The following TMCC1 variants were observed in gnomAD, a reference collection of about 807,000 sequenced individuals.
TMCC1 encodes transmembrane and coiled-coil domains protein 1.
In TMCC1, 15 loss-of-function variants were observed where a neutral mutation model predicts 52.4. The ratio of observed to expected loss-of-function variants is 0.29; its 90% confidence interval spans 0.19 to 0.44. TMCC1 has a LOEUF of 0.44. TMCC1 is among the 20% of genes least tolerant of loss of function. The pLI is 1.00. For missense variants in TMCC1, 503 were observed against 806.0 expected (o/e 0.62, Z 4.55); for synonymous variants, 279 against 301.9 (o/e 0.92, Z 0.79).
At chr3:129,863,152 AT>A (rs2060470425) in intron 2 of TMCC1, among the ~76,000 whole-genome samples, 1 of 152,190 alleles carries the variant, frequency 6.6e-6, no homozygotes, top group African/African-American at 2.4e-5. Flanking sequence ...CCTTTACTTT[AT>A]TCTTGGTTAT....
chr3:129,865,333 T>C (rs529780534), intron 2 of TMCC1, among the ~76,000 whole-genome samples: 8 of 151,362 alleles, frequency 5.3e-5, no homozygotes, highest in African/African-American at 1.9e-4. Flanking sequence ...TTTTTTTTTA[T>C]AGAGACGGGG....
chr3:129,804,994 G>A (rs1028012578), intron 4 of TMCC1, among the ~76,000 whole-genome samples: 8 of 152,174 alleles, frequency 5.3e-5, no homozygotes, highest in Admixed American at 5.2e-4. Context: ...ACTTTTGTGA[G>A]CCAAAAACTG....
At chr3:129,737,193 G>T (rs142956810) in intron 4 of TMCC1, among the ~76,000 whole-genome samples, 3 of 152,162 alleles carry the variant, frequency 2.0e-5, no homozygotes, top group Admixed American at 2.0e-4. Flanking sequence ...GGGGCCGGGC[G>T]TGGTGGCTCA....
intron 4 of TMCC1, among the ~76,000 whole-genome samples, chr3:129,810,419 C>T (rs1250623369): frequency 6.6e-6 from 1 of 152,102 alleles, no homozygotes; most frequent in East Asian, 1.9e-4. Context: ...AGAACCAAAA[C>T]AGGTAATTTA....
intron 2 of TMCC1, among the ~76,000 whole-genome samples, chr3:129,852,456 CAAAAAAAAAAAAAA>C (rs1015860543): frequency 2.5e-5 from 1 of 39,826 alleles, no homozygotes; most frequent in African/African-American, 9.3e-5. Flanking sequence ...GACACCGTCT[CAAAAAAAAAAAAAA>C]AAAAAAAAAA....
chr3:129,665,456 C>T (rs1248356687), intron 5 of TMCC1, among the ~76,000 whole-genome samples: 2 of 152,124 alleles, frequency 1.3e-5, no homozygotes, highest in African/African-American at 4.8e-5. Context: ...AAATAATGAC[C>T]GAAGTAGGGA....
chr3:129,782,765 A>T (rs1277725223), intron 4 of TMCC1, among the ~76,000 whole-genome samples: 3 of 152,160 alleles, frequency 2.0e-5, no homozygotes, highest in Non-Finnish European at 4.4e-5. Flanking sequence ...GTACCATTTG[A>T]TTACCGTATG....
rs375319159 is a variant in TMCC1, at chr3:129,709,346, T to C, written c.577-38082A>G. On this transcript the variant is annotated intron_variant, in intron 4 of 6. Transcript: ENST00000393238. ...AGCTGGGCATGGCATGGTGGGCTTG[T>C]ATGCCTACAGTCCCACCTACTTGGG... Among the ~76,000 whole-genome samples the C allele has an allele frequency of 5.3e-5, 8 of 151,538 alleles. No homozygotes were observed. In the East Asian group the frequency reaches 1.4e-3, roughly 26 times the overall value.
intron 2 of TMCC1, among the ~76,000 whole-genome samples, chr3:129,839,306 TTAAC>T (rs1418707980): frequency 4.5e-4 from 68 of 152,200 alleles, no homozygotes; most frequent in African/African-American, 1.5e-3. Flanking sequence ...TAACCATACT[TTAAC>T]TAAATGCGAA....
intron 4 of TMCC1, among the ~76,000 whole-genome samples, chr3:129,762,572 G>A (rs1391962796): frequency 6.6e-6 from 1 of 152,002 alleles, no homozygotes; most frequent in Non-Finnish European, 1.5e-5. Flanking sequence ...AGAACTGCTT[G>A]AGGCCAGGAG....
chr3:129,675,509 G>C (rs1161468016), intron 4 of TMCC1, among the ~76,000 whole-genome samples: 4 of 152,302 alleles, frequency 2.6e-5, no homozygotes, highest in African/African-American at 9.6e-5. Context: ...TAAGTTGTTA[G>C]CACTGTTTTT....
Position 129,832,784 on chromosome 3 carries a change from C to T in TMCC1, c.-141G>A, listed in dbSNP as rs902133736. The T allele has an allele frequency of 6.6e-6, 1 of 152,196 alleles. No homozygotes were observed. The highest frequency in any genetic ancestry group is 2.4e-5 in the African/African-American group (1 of 41,446). 9.4% of individuals were successfully genotyped at this position (152,196 alleles called of 1,614,324 possible). ...GAGTTGGATACTTGCCTTCATCACT[C>T]TTCCTTAAGCACTTCTAAGGTGTAC... On this transcript the variant is annotated 5_prime_UTR_variant, in exon 3 of 7. Transcript: ENST00000393238.
chr3:129,745,265 T>C (rs954805131), intron 4 of TMCC1, among the ~76,000 whole-genome samples: 5 of 152,254 alleles, frequency 3.3e-5, no homozygotes, highest in African/African-American at 4.8e-5. Context: ...CACTCTTCTC[T>C]TGGGCTTGTA....
At chr3:129,834,527 T>C (rs1403251861) in intron 2 of TMCC1, among the ~76,000 whole-genome samples, 2 of 152,168 alleles carry the variant, frequency 1.3e-5, no homozygotes, top group African/African-American at 4.8e-5. Context: ...AAATTTTGAC[T>C]TGATATAACA....
intron 4 of TMCC1, among the ~76,000 whole-genome samples, chr3:129,792,512 G>A (rs975925482): frequency 1.3e-5 from 2 of 151,844 alleles, no homozygotes; most frequent in African/African-American, 2.4e-5. Context: ...CACCATGCCC[G>A]GTTTATTTTT....
At chr3:129,723,033 C>T (rs1184766449) in intron 4 of TMCC1, among the ~76,000 whole-genome samples, 2 of 152,112 alleles carry the variant, frequency 1.3e-5, no homozygotes, top group Non-Finnish European at 2.9e-5. Flanking sequence ...TAAAGAATCT[C>T]CTTTGCTTTA....
rs138427219 is a variant in TMCC1, at chr3:129,842,207, G to A, written c.-183-9381C>T. Among the ~76,000 whole-genome samples the A allele has an allele frequency of 9.2e-3, 1,399 of 152,210 alleles. 22 individuals are homozygous for A. Among genetic ancestry groups the A allele is most frequent in the African/African-American group, 0.032 (1,308 of 41,520 alleles). Reference sequence around the variant, plus strand: ...TTGGCCAGGCATAGTGGCTCACCGTGGTAATCTCAGCACTTTAGGAGGCTG... The same window carrying A: ...TTGGCCAGGCATAGTGGCTCACCGTAGTAATCTCAGCACTTTAGGAGGCTG... On this transcript the variant is annotated intron_variant, in intron 2 of 6. Transcript: ENST00000393238.
chr3:129,725,327 G>A (rs1380709867), intron 4 of TMCC1, among the ~76,000 whole-genome samples: 1 of 152,112 alleles, frequency 6.6e-6, no homozygotes, highest in Non-Finnish European at 1.5e-5. Flanking sequence ...GGCCAGGCTG[G>A]TCTCAAACTC....
rs147434767 is a variant in TMCC1 at position 129,718,060 on chromosome 3, A to G, written c.577-46796T>C. Among the ~76,000 whole-genome samples the G allele has an allele frequency of 4.6e-5, 7 of 152,346 alleles. No individual in the cohort carries two copies. The East Asian group carries it at 1.3e-3, about 29-fold the overall frequency. On this transcript the variant is annotated intron_variant, in intron 4 of 6. Transcript: ENST00000393238. Reference sequence around the variant, plus strand: ...TGAAACAATTTGGGAAAAAATGGCAAATTGCATAACCTAGGAATACCAAAA... The same window carrying G: ...TGAAACAATTTGGGAAAAAATGGCAGATTGCATAACCTAGGAATACCAAAA...
Sources: gnomAD v4.1 joint callset for allele counts (sites outside exome capture counted in the v4.1 genomes callset) on GRCh38, gnomAD v4.1.1 for gene constraint, MANE v1.5 for transcripts, NCBI Gene and HGNC (gene_info 2026-07-23, HGNC 2026-07-21) for gene names.